KCTD17: variants seen among roughly 807,000 people sequenced by gnomAD.
KCTD17 encodes the protein potassium channel tetramerization domain containing 17.
Under a neutral mutation model 41.5 loss-of-function variants are expected in KCTD17, and 20 were observed. The observed-to-expected ratio is 0.48, with a 90% CI of 0.34 to 0.70. KCTD17 has a LOEUF of 0.70. Among genes scored for constraint, KCTD17 ranks in the 30% least tolerant of loss-of-function variants. The probability of loss-of-function intolerance (pLI) is 0.01; values close to 1 mark genes in which losing one functional copy is unlikely to be tolerated. For missense variants in KCTD17, 317 were observed against 427.2 expected (o/e 0.74, Z 2.27); for synonymous variants, 156 against 173.8 (o/e 0.90, Z 0.80).
chr22:37,059,445 CCA>C lies in KCTD17; in HGVS notation c.612+9_612+10del. 6.2e-7 allele frequency: 1 copy of C among 1,605,116 alleles called. No individual in the cohort carries two copies. The highest frequency in any genetic ancestry group is 8.5e-7 in the Non-Finnish European group (1 of 1,177,240). On this transcript the variant is annotated splice_region_variant and intron_variant, in intron 5 of 8. Coordinates refer to ENST00000403888, the MANE Select transcript of KCTD17 (RefSeq NM_001282684.2). ...GTCCAGCCGCAAAACCAAGGTGAGC[CCA>C]CCCGCCTCAGCCTGTGTCCGGAGAA...
chr22:37,062,047 GC>G, intron 8 of KCTD17: 3 of 983,874 alleles, frequency 3.0e-6, no homozygotes, highest in Non-Finnish European at 3.6e-6. Flanking sequence ...GTGCCCACAA[GC>G]CCCCTATCCC....
intron 5 of KCTD17, 186 bp downstream of exon 5, chr22:37,059,624 G>A: frequency 1.4e-6 from 1 of 715,518 alleles, no homozygotes; most frequent in Non-Finnish European, 2.3e-6. Flanking sequence ...GCCCAGGCTG[G>A]GAGCAGTGAA....
Position 37,062,679 on chromosome 22 carries a change from G to C in KCTD17, c.*85G>C. ...TCCCCGGCCTCCTCTGTCTGCACCC[G>C]TGGGGCTGTGACTTACTCCTGCCTC... On this transcript the variant is annotated 3_prime_UTR_variant, in exon 9 of 9. Transcript: ENST00000403888. 1 of 1,549,376 alleles carries C rather than the reference G, an allele frequency of 6.5e-7. No individual in the cohort carries two copies. Among genetic ancestry groups the C allele is most frequent in the Admixed American group, 2.0e-5 (1 of 51,168 alleles).
rs774245782 is a variant in KCTD17, at chr22:37,056,402, G to A, written c.381G>A (p.Thr127=). The change falls in exon 3 of 9, where the codon ACG becomes ACA. Residue 127 remains threonine, a synonymous_variant. Transcript: ENST00000403888. ...IKDRMEEKDY[T]VTQVPPKHVY... Reference sequence around the variant, plus strand: ...ACCGGATGGAAGAGAAGGACTACACGGTCACCCAGGTCGGGAGCAGGGGCA... The same window carrying A: ...ACCGGATGGAAGAGAAGGACTACACAGTCACCCAGGTCGGGAGCAGGGGCA... 1.4e-5 allele frequency: 22 copies of A among 1,613,130 alleles called. No individual in the cohort carries two copies. The highest frequency in any genetic ancestry group is 1.3e-4 in the East Asian group (6 of 44,866).
chr22:37,054,151 C>T (rs116790622), intron 2 of KCTD17, among the ~76,000 whole-genome samples: 1 of 152,166 alleles, frequency 6.6e-6, no homozygotes, highest in Non-Finnish European at 1.5e-5. Flanking sequence ...TAGGTCAGGG[C>T]CACAACACCA....
chr22:37,057,334 C>A (rs756139290), intron 3 of KCTD17, 64 bp from the exon 4 acceptor site: 7 of 1,279,248 alleles, frequency 5.5e-6, no homozygotes, highest in South Asian at 1.2e-5. Context: ...AGCAGGTGCT[C>A]ATGCCCCTCC....
Position 37,062,599 on chromosome 22 carries a change from C to T in KCTD17, c.*5C>T, listed in dbSNP as rs768369293. The T allele has an allele frequency of 3.1e-6, 5 of 1,611,932 alleles. No individual in the cohort carries two copies. In the Admixed American group the frequency reaches 5.0e-5, roughly 16 times the overall value. On this transcript the variant is annotated 3_prime_UTR_variant, in exon 9 of 9. Transcript: ENST00000403888. Reference sequence around the variant, plus strand: ...GGACTTGGGGTTCCCATCTGAAATCCTTTATTTTTGTACCATGGGGTGGGC... The same window carrying T: ...GGACTTGGGGTTCCCATCTGAAATCTTTTATTTTTGTACCATGGGGTGGGC...
intron 4 of KCTD17, 55 bp downstream of exon 4, chr22:37,057,548 T>C (rs1023227109): frequency 9.1e-6 from 13 of 1,432,226 alleles, no homozygotes; most frequent in Admixed American, 5.3e-5. Flanking sequence ...TCCTAGCCTC[T>C]GACCAAGCAG....
chr22:37,059,249 C>G, intron 4 of KCTD17, 64 bp from the exon 5 acceptor site: 2 of 1,599,514 alleles, frequency 1.3e-6, no homozygotes, highest in South Asian at 1.1e-5. Context: ...CGAGGTCTGT[C>G]GTATCCTGCC....
At chr22:37,059,827 A>C (rs1039325219) in intron 5 of KCTD17, among the ~76,000 whole-genome samples, 1 of 152,164 alleles carries the variant, frequency 6.6e-6, no homozygotes, top group Non-Finnish European at 1.5e-5. Flanking sequence ...GGAGGATCAC[A>C]TACTCTTTGT....
rs779473016 is a variant in KCTD17, at chr22:37,061,667, G to A, written c.875+38G>A. The A allele has an allele frequency of 2.4e-5, 38 of 1,559,530 alleles. 1 individual carries two copies. Among genetic ancestry groups the A allele is most frequent in the South Asian group, 1.7e-4 (15 of 86,062 alleles). ...GCGGTGCTGGAGGGAGGGGTGGAGC[G>A]AGGAGGGTGCTCATCTCTTGATCCT... On this transcript the variant is annotated intron_variant, in intron 8 of 8. Transcript: ENST00000403888. The surrounding 1 kb of genome is among the most constrained non-coding windows in gnomAD (Gnocchi z 6.6).
At chr22:37,052,286 G>C (rs1360770334) in intron 1 of KCTD17, 1 of 377,368 alleles carries the variant, frequency 2.6e-6, no homozygotes, top group Non-Finnish European at 5.1e-6. Context: ...TCTGGGGAAG[G>C]AGTCGACGAG....
intron 4 of KCTD17, among the ~76,000 whole-genome samples, chr22:37,057,770 C>G (rs1925316961): frequency 1.3e-5 from 2 of 152,198 alleles, no homozygotes; most frequent in South Asian, 2.1e-4. Flanking sequence ...GGTGATCTAT[C>G]TGGTGGCATG....
chr22:37,059,494 T>TC, intron 5 of KCTD17, 56 bp downstream of exon 5: 2 of 1,479,560 alleles, frequency 1.4e-6, no homozygotes, highest in Non-Finnish European at 1.8e-6. Context: ...CCCTCCACCC[T>TC]CCCCGCCTGT....
chr22:37,059,584 A>G, intron 5 of KCTD17, 146 bp downstream of exon 5: 6 of 940,334 alleles, frequency 6.4e-6, no homozygotes, highest in South Asian at 1.6e-5. Context: ...AGCCACCGCC[A>G]TCCATCCCAT....
At chr22:37,056,668 C>A (rs184661225) in intron 3 of KCTD17, among the ~76,000 whole-genome samples, 1 of 152,174 alleles carries the variant, frequency 6.6e-6, no homozygotes, top group Non-Finnish European at 1.5e-5. Flanking sequence ...TCGCCCTCTC[C>A]GGACCTTGAT....
At chr22:37,059,604 C>A in intron 5 of KCTD17, 166 bp downstream of exon 5, 1 of 810,418 alleles carries the variant, frequency 1.2e-6, no homozygotes, top group South Asian at 1.8e-5. Context: ...TGCCACCTGC[C>A]GTTACCCAGG....
At position 37,053,048 on chromosome 22, in the gene KCTD17, G is replaced by T; in HGVS notation, c.190-52G>T. ...TCCCTCCCTGTGCGTGTGCGGGGTT[G>T]GCTGGGGAGAAGCCTCACTCTTCTC... On this transcript the variant is annotated intron_variant, in intron 1 of 8. Transcript: ENST00000403888. This position sits in a 1 kb window ranked among gnomAD's most constrained non-coding sequence, Gnocchi z 4.1. The T allele has an allele frequency of 7.1e-7, 1 of 1,412,956 alleles. No individual in the cohort carries two copies. The highest frequency in any genetic ancestry group is 1.2e-5 in the South Asian group (1 of 81,288). The allele number at this position is 1,412,956 out of a possible 1,614,324, so 87.5% of individuals were successfully genotyped here. A position where few individuals can be genotyped will look rare whatever the true frequency, so the allele number is the denominator to read the frequency against.
chr22:37,061,051 T>C lies in KCTD17; in HGVS notation c.713-53T>C, dbSNP rs2145995403. The C allele has an allele frequency of 6.4e-7, 1 of 1,551,272 alleles. No individual in the cohort carries two copies. Among genetic ancestry groups the C allele is most frequent in the East Asian group, 2.4e-5 (1 of 40,900 alleles). On this transcript the variant is annotated intron_variant, in intron 6 of 8. Coordinates refer to ENST00000403888, the MANE Select transcript of KCTD17 (RefSeq NM_001282684.2). This position sits in a 1 kb window ranked among gnomAD's most constrained non-coding sequence, Gnocchi z 6.6. ...GGGGCACCAGGGTTAGCTCAGCCAC[T>C]TGCCTGGCGCCTCACCCGCATAACC...
Sources: allele counts gnomAD v4.1 joint callset (sites outside exome capture counted in the v4.1 genomes callset), GRCh38; gene constraint gnomAD v4.1.1; non-coding constraint Gnocchi (gnomAD v3.1); transcripts MANE v1.5; gene names NCBI Gene and HGNC (gene_info 2026-07-23, HGNC 2026-07-21).